Variants in THSD7A observed in about 807,000 individuals in gnomAD.
The protein encoded by THSD7A is thrombospondin type-1 domain-containing protein 7A.
THSD7A carries 96 observed loss-of-function variants against 231.3 expected under a neutral mutation model. The ratio of observed to expected loss-of-function variants is 0.41; its 90% CI spans 0.35 to 0.49. The LOEUF is 0.49. Ranked by LOEUF, THSD7A falls within the 20% of genes least tolerant of loss-of-function variation. The pLI, the probability that THSD7A is intolerant of heterozygous loss-of-function variation, is 0.05. For missense variants in THSD7A, 2,290 were observed against 2,070.2 expected (o/e 1.11, Z -2.06); for synonymous variants, 940 against 743.3 (o/e 1.26, Z -4.30).
intron 1 of THSD7A, among the ~76,000 whole-genome samples, chr7:11,736,837 C>G (rs1220566146): frequency 1.3e-5 from 2 of 151,938 alleles, no homozygotes; most frequent in African/African-American, 4.8e-5. Flanking sequence ...AATTGCAGTT[C>G]CCACAATCCC....
intron 1 of THSD7A, among the ~76,000 whole-genome samples, chr7:11,652,300 C>T (rs1278419053): frequency 2.6e-5 from 4 of 151,776 alleles, no homozygotes; most frequent in Non-Finnish European, 4.4e-5. Context: ...GCAGGACTGG[C>T]ATTACTACAA....
Position 11,636,143 on chromosome 7 carries a change from C to A in THSD7A, c.1009G>T (p.Ala337Ser). The change falls in exon 2 of 28, where the codon GCT (alanine) becomes TCT (serine). Residue 337 changes from alanine (A) to serine (S), a missense_variant. By Grantham distance (99) the Ala-to-Ser change is moderately conservative. Transcript: ENST00000423059. The surrounding 1 kb of genome is among the most constrained non-coding windows in gnomAD (Gnocchi z 10.0). ...TTAAAATGTTACCTTAAATCAGCAG[C>A]TTTCCCCGTCTTGTTAATGCACATA... ...EVMCINKTGK[A>S]ADLSFCQQEK... The A allele has an allele frequency of 6.2e-7, 1 of 1,610,608 alleles. No homozygotes were observed. Among genetic ancestry groups the A allele is most frequent in the Non-Finnish European group, 8.5e-7 (1 of 1,178,286 alleles).
At chr7:11,716,766 T>C (rs533602617) in intron 1 of THSD7A, among the ~76,000 whole-genome samples, 1 of 151,758 alleles carries the variant, frequency 6.6e-6, no homozygotes, top group South Asian at 2.1e-4. Context: ...CAATGCCTTA[T>C]GTATATGGCT....
At chr7:11,608,240 T>A (rs1042843949) in intron 2 of THSD7A, among the ~76,000 whole-genome samples, 9 of 152,168 alleles carry the variant, frequency 5.9e-5, no homozygotes, top group Non-Finnish European at 1.2e-4. Flanking sequence ...TCAAAGCTAT[T>A]TTTTAGCATT....
In THSD7A at chr7:11,636,067, A is replaced by G. The variant is rs1781830776; in HGVS notation, c.1022+63T>C. The G allele has an allele frequency of 1.6e-5, 23 of 1,432,180 alleles. No individual in the cohort carries two copies. The East Asian group carries it at 5.0e-4, about 31-fold the overall frequency. 88.7% of individuals were successfully genotyped at this position (1,432,180 alleles called of 1,614,324 possible). ...CAGAAGTTATTAGATAGTACCGGAT[A>G]TCTTAGGTACTCATGATTCTTGACA... On this transcript the variant is annotated intron_variant, in intron 2 of 27. Coordinates refer to ENST00000423059, the MANE Select transcript of THSD7A (RefSeq NM_015204.3). The surrounding 1 kb of genome is among the most constrained non-coding windows in gnomAD (Gnocchi z 10.0).
Position 11,387,272 on chromosome 7 carries a change from G to T in THSD7A, c.4412-4656C>A, listed in dbSNP as rs183683139. Among the ~76,000 whole-genome samples, 989 of 152,186 alleles carry T rather than the reference G, an allele frequency of 6.5e-3. 5 individuals carry two copies. The highest frequency in any genetic ancestry group is 0.01 in the Non-Finnish European group (682 of 67,982). On this transcript the variant is annotated intron_variant, in intron 23 of 27. Coordinates refer to ENST00000423059, the MANE Select transcript of THSD7A (RefSeq NM_015204.3). ...AGAAAGTCAATGGTAACTTGATGGG[G>T]ATAGCACTGAATCTGTAAATTACTT...
intron 1 of THSD7A, among the ~76,000 whole-genome samples, chr7:11,658,056 C>A (rs1043347579): frequency 6.6e-6 from 1 of 151,566 alleles, no homozygotes; most frequent in Non-Finnish European, 1.5e-5. Flanking sequence ...AACAAGGGAC[C>A]AGCAGTCAGT....
intron 1 of THSD7A, among the ~76,000 whole-genome samples, chr7:11,810,131 T>C (rs1034655132): frequency 6.6e-6 from 1 of 152,094 alleles, no homozygotes; most frequent in Non-Finnish European, 1.5e-5. Context: ...AGCTGGCAGA[T>C]TTAGAAAGAA....
intron 2 of THSD7A, among the ~76,000 whole-genome samples, chr7:11,622,847 A>G (rs1395843656): frequency 6.6e-6 from 1 of 152,230 alleles, no homozygotes; most frequent in Non-Finnish European, 1.5e-5. Flanking sequence ...GAACAAAGTA[A>G]GAGCCAAGTT....
intron 11 of THSD7A, among the ~76,000 whole-genome samples, chr7:11,451,514 T>C (rs569339460): frequency 6.6e-6 from 1 of 152,160 alleles, no homozygotes; most frequent in African/African-American, 2.4e-5. Flanking sequence ...ATGACTACAT[T>C]GCTAGTACTC....
Position 11,376,696 on chromosome 7 carries a change from C to G in THSD7A, c.4802-39G>C, listed in dbSNP as rs2285756. 1.9e-5 allele frequency: 28 copies of G among 1,467,402 alleles called. No individual in the cohort carries two copies. The East Asian group carries it at 6.6e-4, about 35-fold the overall frequency. 90.9% of individuals were successfully genotyped at this position (1,467,402 alleles called of 1,614,324 possible). ...ATATTAGTTATTAATTTACATTAGT[C>G]TGGTATACATGAGGCAGTCTTTAAC... On this transcript the variant is annotated intron_variant, in intron 26 of 27. Coordinates refer to ENST00000423059, the MANE Select transcript of THSD7A (RefSeq NM_015204.3).
chr7:11,816,782 T>C (rs1335264063), intron 1 of THSD7A, among the ~76,000 whole-genome samples: 1 of 152,136 alleles, frequency 6.6e-6, no homozygotes, highest in Non-Finnish European at 1.5e-5. Flanking sequence ...CTACTATAAA[T>C]ACCACATAAA....
chr7:11,442,586 A>T (rs549512118), intron 13 of THSD7A, among the ~76,000 whole-genome samples: 1 of 152,224 alleles, frequency 6.6e-6, no homozygotes, highest in East Asian at 1.9e-4. Flanking sequence ...GTTGTCATAG[A>T]GATTATAATT....
chr7:11,570,626 C>T (rs1203422216), intron 4 of THSD7A, among the ~76,000 whole-genome samples: 2 of 152,096 alleles, frequency 1.3e-5, no homozygotes, highest in East Asian at 3.9e-4. Context: ...TATTATGTGT[C>T]AATAATAAAA....
At chr7:11,511,842 C>T (rs912861054) in intron 6 of THSD7A, among the ~76,000 whole-genome samples, 1 of 152,158 alleles carries the variant, frequency 6.6e-6, no homozygotes, top group Admixed American at 6.5e-5. Context: ...TAGAAGAAAA[C>T]CTAGGCAATA....
At chr7:11,820,468 G>T (rs371781835) in intron 1 of THSD7A, 1 of 1,181,692 alleles carries the variant, frequency 8.5e-7, no homozygotes, top group Non-Finnish European at 1.2e-6. Context: ...GCCCTGACCC[G>T]GAGGTCATCA....
At position 11,637,905 on chromosome 7, in the gene THSD7A, T is replaced by C. The variant is rs1053007326; in HGVS notation, c.191-944A>G. 4.6e-5 allele frequency among the ~76,000 whole-genome samples: 7 copies of C among 152,202 alleles called. No individual in the cohort carries two copies. Among genetic ancestry groups the C allele is most frequent in the African/African-American group, 1.7e-4 (7 of 41,442 alleles). On this transcript the variant is annotated intron_variant, in intron 1 of 27. Coordinates refer to ENST00000423059, the MANE Select transcript of THSD7A (RefSeq NM_015204.3). The surrounding 1 kb of genome is among the most constrained non-coding windows in gnomAD (Gnocchi z 4.2). ...AGATCCCAATTTACGAAATTGAGAA[T>C]TGTATTATTTTGGAATCATAAAGAA...
chr7:11,389,217 G>T (rs1782881873), intron 23 of THSD7A, among the ~76,000 whole-genome samples: 1 of 151,292 alleles, frequency 6.6e-6, no homozygotes, highest in Non-Finnish European at 1.5e-5. Flanking sequence ...GTGTTAAATT[G>T]TGTGGGAGTC....
chr7:11,493,781 G>A (rs996576996), intron 6 of THSD7A, among the ~76,000 whole-genome samples: 2 of 151,964 alleles, frequency 1.3e-5, no homozygotes, highest in African/African-American at 4.8e-5. Context: ...AAACCAGACT[G>A]GACTCTTTTT....
Sources: allele counts gnomAD v4.1 joint callset (sites outside exome capture counted in the v4.1 genomes callset), GRCh38; gene constraint gnomAD v4.1.1; non-coding constraint Gnocchi (gnomAD v3.1); transcripts MANE v1.5; gene names NCBI Gene and HGNC (gene_info 2026-07-23, HGNC 2026-07-21).